Variants in ABCC1 observed in about 807,000 individuals in gnomAD.
ABCC1 encodes the protein multidrug resistance-associated protein 1.
ABCC1 carries 83 observed loss-of-function variants against 172.9 expected under a neutral mutation model. The observed-to-expected ratio is 0.48, with a 90% CI of 0.40 to 0.58. The LOEUF (loss-of-function observed/expected upper bound fraction) is 0.58. ABCC1 is among the 20% of genes least tolerant of loss of function. The probability of loss-of-function intolerance (pLI) is 0.00; values close to 1 mark genes in which losing one functional copy is unlikely to be tolerated. For missense variants in ABCC1, 1,817 were observed against 2,002.7 expected, an observed-to-expected ratio of 0.91 and a Z score of 1.77; for synonymous variants, 937 against 825.2, an observed-to-expected ratio of 1.14 and a Z score of -2.32.
chr16:16,056,574 C>G (rs1284005452), intron 12 of ABCC1: 1 of 462,602 alleles, frequency 2.2e-6, no homozygotes, highest in African/African-American at 2.0e-5. Flanking sequence ...GAGGCTGAGG[C>G]AAGAGAATTA....
At chr16:16,132,047 T>A in intron 27 of ABCC1, 112 bp downstream of exon 27, 1 of 1,357,260 alleles carries the variant, frequency 7.4e-7, no homozygotes, top group South Asian at 1.4e-5. Context: ...TCCACACCTT[T>A]GCTTGAATGG....
chr16:16,107,112 C>T (rs1205809954), intron 21 of ABCC1, among the ~76,000 whole-genome samples: 3 of 152,076 alleles, frequency 2.0e-5, no homozygotes, highest in East Asian at 1.9e-4. Context: ...AGGGTTAGTA[C>T]TTGTAGTCTC....
At chr16:16,061,549 A>G (rs2049912817) in intron 12 of ABCC1, among the ~76,000 whole-genome samples, 1 of 152,170 alleles carries the variant, frequency 6.6e-6, no homozygotes, top group Non-Finnish European at 1.5e-5. Context: ...ACCACAGTCA[A>G]TAGTGAAAGG....
intron 2 of ABCC1, among the ~76,000 whole-genome samples, chr16:16,008,941 T>TG (rs1398195383): frequency 9.3e-4 from 117 of 125,628 alleles, no homozygotes; most frequent in East Asian, 3.3e-3. Context: ...GTTTTTTTTT[T>TG]TTTTGTTGTT....
chr16:16,062,308 G>A (rs1257049874), intron 12 of ABCC1, among the ~76,000 whole-genome samples: 3 of 152,304 alleles, frequency 2.0e-5, no homozygotes, highest in African/African-American at 4.8e-5. Flanking sequence ...AGCAGAAGAT[G>A]CTTAAGAGCA....
chr16:16,048,562 C>T (rs1345906525), intron 10 of ABCC1, among the ~76,000 whole-genome samples: 1 of 152,138 alleles, frequency 6.6e-6, no homozygotes, highest in Non-Finnish European at 1.5e-5. Context: ...AATTAACTAC[C>T]CTACAATGGA....
At chr16:16,039,059 G>C (rs1298597738) in intron 7 of ABCC1, among the ~76,000 whole-genome samples, 1 of 152,112 alleles carries the variant, frequency 6.6e-6, no homozygotes, top group African/African-American at 2.4e-5. Context: ...TGGAACAAAA[G>C]AGACACACTC....
At chr16:15,988,260 C>G (rs969741609) in intron 1 of ABCC1, among the ~76,000 whole-genome samples, 9 of 152,154 alleles carry the variant, frequency 5.9e-5, no homozygotes, top group Non-Finnish European at 1.3e-4. Context: ...GGCTTGCCCT[C>G]TTCTCTGAGT....
intron 26 of ABCC1, among the ~76,000 whole-genome samples, chr16:16,130,773 C>T (rs1034266781): frequency 2.6e-5 from 4 of 152,176 alleles, no homozygotes; most frequent in African/African-American, 9.7e-5. Context: ...CTGGGGGCAA[C>T]ATTTATATTT....
intron 5 of ABCC1, 77 bp from the exon 6 acceptor site, chr16:16,033,032 G>C: frequency 6.9e-7 from 1 of 1,438,910 alleles, no homozygotes; most frequent in Non-Finnish European, 9.8e-7. Context: ...CTGACTACTT[G>C]CTAAGCTCTG....
intron 26 of ABCC1, among the ~76,000 whole-genome samples, chr16:16,127,619 C>G (rs2045492743): frequency 6.6e-6 from 1 of 152,186 alleles, no homozygotes; most frequent in East Asian, 1.9e-4. Flanking sequence ...AGGCGTTGAG[C>G]CTGTGCCTCC....
intron 7 of ABCC1, among the ~76,000 whole-genome samples, chr16:16,039,866 A>G (rs2048905303): frequency 2.6e-5 from 4 of 152,028 alleles, no homozygotes; most frequent in Admixed American, 2.6e-4. Flanking sequence ...GGCTCTGAGG[A>G]CACTCGTGGT....
chr16:16,011,916 A>G (rs915171141), intron 3 of ABCC1, among the ~76,000 whole-genome samples: 3 of 151,328 alleles, frequency 2.0e-5, no homozygotes, highest in African/African-American at 7.3e-5. Flanking sequence ...TGATCCACCC[A>G]CCTAGGCCCC....
intron 26 of ABCC1, among the ~76,000 whole-genome samples, chr16:16,128,451 A>T (rs969288310): frequency 6.6e-6 from 1 of 152,132 alleles, no homozygotes; most frequent in African/African-American, 2.4e-5. Context: ...ACCCGGCCTG[A>T]GTTCAGTTTT....
chr16:16,046,289 C>G (rs891618840), intron 9 of ABCC1, among the ~76,000 whole-genome samples: 1 of 151,974 alleles, frequency 6.6e-6, no homozygotes, highest in Non-Finnish European at 1.5e-5. Flanking sequence ...TGGGGAAATC[C>G]AAGTTTGGAT....
At chr16:16,043,699 T>G (rs937549876) in intron 7 of ABCC1, among the ~76,000 whole-genome samples, 7 of 152,038 alleles carry the variant, frequency 4.6e-5, no homozygotes, top group Admixed American at 1.3e-4. Context: ...CCTCCCAGGT[T>G]CAAGTAATTC....
At chr16:16,124,739 C>T (rs762961640) in intron 24 of ABCC1, 50 bp from the exon 25 acceptor site, 2 of 1,612,796 alleles carry the variant, frequency 1.2e-6, no homozygotes, top group Non-Finnish European at 1.7e-6. Context: ...AGCCAAGTCT[C>T]TGTAGAGCTG....
intron 12 of ABCC1, among the ~76,000 whole-genome samples, chr16:16,065,644 G>A (rs376998676): frequency 7.2e-5 from 11 of 152,258 alleles, no homozygotes; most frequent in Admixed American, 5.9e-4. Flanking sequence ...TGTCAGACAG[G>A]CTGGTCTTGA....
At chr16:16,103,065 C>A (rs771891099) in intron 20 of ABCC1, among the ~76,000 whole-genome samples, 1 of 152,142 alleles carries the variant, frequency 6.6e-6, no homozygotes, top group Non-Finnish European at 1.5e-5. Context: ...AAAACTGTCT[C>A]AAGGCCAGGT....
Sources: allele counts gnomAD v4.1 joint callset (sites outside exome capture counted in the v4.1 genomes callset), GRCh38; gene constraint gnomAD v4.1.1; transcripts MANE v1.5; gene names NCBI Gene and HGNC (gene_info 2026-07-23, HGNC 2026-07-21).